NCAM1: variants seen among roughly 807,000 people sequenced by gnomAD.
NCAM1 encodes neural cell adhesion molecule 1.
A neutral mutation model predicts 109.8 loss-of-function variants in NCAM1; 14 were observed. The observed-to-expected ratio is 0.13, with a 90% CI of 0.08 to 0.20. NCAM1 has a LOEUF of 0.20. Among genes scored for constraint, NCAM1 ranks in the 10% least tolerant of loss-of-function variants. The pLI is 1.00. For synonymous variants in NCAM1, 418 were observed against 442.9 expected (o/e 0.94, Z 0.70); for missense variants, 774 against 1,109.9 (o/e 0.70, Z 4.30).
chr11:113,153,026 A>G (rs1434211902), intron 1 of NCAM1, among the ~76,000 whole-genome samples: 5 of 150,844 alleles, frequency 3.3e-5, no homozygotes, highest in African/African-American at 4.9e-5. Flanking sequence ...ATATGAGCCT[A>G]AACTGCAGCA....
chr11:113,230,338 T>C (rs1441207713), intron 9 of NCAM1, among the ~76,000 whole-genome samples: 1 of 152,178 alleles, frequency 6.6e-6, no homozygotes, highest in Non-Finnish European at 1.5e-5. Flanking sequence ...CTTGCAGAAA[T>C]GGGCAGCCAT....
At chr11:113,073,696 A>G (rs964457738) in intron 1 of NCAM1, among the ~76,000 whole-genome samples, 11 of 152,204 alleles carry the variant, frequency 7.2e-5, no homozygotes, top group African/African-American at 2.7e-4. Flanking sequence ...AACCTTTTAC[A>G]AAACCTTTAA....
chr11:113,113,715 A>G (rs1279566306), intron 1 of NCAM1, among the ~76,000 whole-genome samples: 1 of 152,134 alleles, frequency 6.6e-6, no homozygotes, highest in Admixed American at 6.5e-5. Flanking sequence ...CCAAAGCTTC[A>G]TTAGCTAAAT....
At chr11:113,214,635 G>T in intron 8 of NCAM1, 124 bp downstream of exon 8, 1 of 1,117,408 alleles carries the variant, frequency 8.9e-7, no homozygotes. Context: ...GCCACAGCCA[G>T]ATCCCGGGGC....
At chr11:113,146,408 T>C (rs1942019818) in intron 1 of NCAM1, among the ~76,000 whole-genome samples, 1 of 152,202 alleles carries the variant, frequency 6.6e-6, no homozygotes, top group African/African-American at 2.4e-5. Context: ...TTGATTATAT[T>C]CCTCATTGGA....
At chr11:113,063,528 G>A (rs782688053) in intron 1 of NCAM1, among the ~76,000 whole-genome samples, 44 of 152,156 alleles carry the variant, frequency 2.9e-4, no homozygotes, top group Non-Finnish European at 2.4e-4. Context: ...CATCTAGAGG[G>A]GTTCTGCTGA....
chr11:113,134,702 T>A (rs781873102), intron 1 of NCAM1, among the ~76,000 whole-genome samples: 4 of 152,322 alleles, frequency 2.6e-5, no homozygotes, highest in Middle Eastern at 6.8e-3. Flanking sequence ...TGGAAGCACA[T>A]GTTCCCCCTG....
At chr11:113,190,102 C>T (rs1253213814) in intron 1 of NCAM1, among the ~76,000 whole-genome samples, 2 of 152,166 alleles carry the variant, frequency 1.3e-5, no homozygotes, top group East Asian at 3.9e-4. Context: ...TCCCAACTGA[C>T]TCCACCTAAA....
intron 1 of NCAM1, among the ~76,000 whole-genome samples, chr11:112,970,002 A>C (rs1247456555): frequency 1.1e-4 from 16 of 152,160 alleles, no homozygotes; most frequent in Admixed American, 6.5e-5. Context: ...GAAAAGCTAG[A>C]ACTGACCTGG....
chr11:113,203,713 G>A (rs1318286956), intron 2 of NCAM1, among the ~76,000 whole-genome samples: 1 of 152,218 alleles, frequency 6.6e-6, no homozygotes, highest in Non-Finnish European at 1.5e-5. Flanking sequence ...AGGGAGTGAC[G>A]AAATGACAGT....
intron 8 of NCAM1, among the ~76,000 whole-genome samples, chr11:113,217,680 C>T (rs1202846633): frequency 6.6e-6 from 1 of 152,156 alleles, no homozygotes; most frequent in Non-Finnish European, 1.5e-5. Flanking sequence ...ACATGATCCC[C>T]ATTTAAGCCA....
chr11:113,038,707 G>T (rs1328518602), intron 1 of NCAM1, among the ~76,000 whole-genome samples: 1 of 152,158 alleles, frequency 6.6e-6, no homozygotes, highest in African/African-American at 2.4e-5. Context: ...AAGAACTCTA[G>T]GATTTGGGCT....
intron 1 of NCAM1, among the ~76,000 whole-genome samples, chr11:113,163,412 G>A (rs1942670218): frequency 6.6e-6 from 1 of 152,184 alleles, no homozygotes; most frequent in Non-Finnish European, 1.5e-5. Context: ...AGGGGAATAG[G>A]ATGTCACAGT....
Position 113,237,937 on chromosome 11 carries a change from GATATATATATAGATAT to G in NCAM1, c.1825+2777_1825+2792del, listed in dbSNP as rs1565521431. Among the ~76,000 whole-genome samples the G allele has an allele frequency of 2.8e-3, 406 of 143,196 alleles. 8 individuals carry two copies. Among genetic ancestry groups the G allele is most frequent in the African/African-American group, 9.7e-3 (379 of 38,962 alleles). The allele number at this position is 143,196 out of a possible 152,430, so 93.9% of individuals were successfully genotyped here. On this transcript the variant is annotated intron_variant, in intron 14 of 19. Coordinates refer to ENST00000316851, the MANE Select transcript of NCAM1 (RefSeq NM_181351.5). ...ATAGATATATAGATATAGATATATA[GATATATATATAGATAT>G]ATAGATAGATAGATAGATATAGATA...
chr11:113,070,994 T>A (rs1591300440), intron 1 of NCAM1, among the ~76,000 whole-genome samples: 1 of 152,152 alleles, frequency 6.6e-6, no homozygotes, highest in East Asian at 1.9e-4. Flanking sequence ...TGGTGAGACA[T>A]CCATAGATGG....
At chr11:113,219,326 G>C (rs139834579) in intron 8 of NCAM1, among the ~76,000 whole-genome samples, 92 of 152,306 alleles carry the variant, frequency 6.0e-4, no homozygotes, top group African/African-American at 2.2e-3. Flanking sequence ...TTAAACACTG[G>C]AAAAGATGAC....
chr11:113,105,428 A>G (rs563957520), intron 1 of NCAM1, among the ~76,000 whole-genome samples: 9 of 152,302 alleles, frequency 5.9e-5, no homozygotes, highest in African/African-American at 2.2e-4. Flanking sequence ...AAAAAATGAG[A>G]TGCTTGACAT....
chr11:113,153,189 C>G (rs1466052247), intron 1 of NCAM1, among the ~76,000 whole-genome samples: 5 of 151,976 alleles, frequency 3.3e-5, no homozygotes, highest in African/African-American at 1.2e-4. Context: ...ACTACAGGCA[C>G]CCGCCACCAC....
At position 113,204,458 on chromosome 11, in the gene NCAM1, C is replaced by A. The variant is rs1555112491; in HGVS notation, c.300C>A (p.Gly100=). Residue 100 remains glycine, a synonymous_variant, in exon 3 of 20, where the codon GGC becomes GGA. Transcript: ENST00000316851. ...DAGIYKCVVT[G]EDGSESEATV... is the part of the protein sequence containing the mutation. ...GCATTTACAAGTGTGTGGTTACAGG[C>A]GAGGATGGCAGTGAGTCAGAGGCCA... 4 of 1,613,936 alleles carry A rather than the reference C, an allele frequency of 2.5e-6. No individual in the cohort carries two copies. The highest frequency in any genetic ancestry group is 1.1e-5 in the South Asian group (1 of 91,076).
Sources: allele counts gnomAD v4.1 joint callset (sites outside exome capture counted in the v4.1 genomes callset), GRCh38; gene constraint gnomAD v4.1.1; transcripts MANE v1.5; gene names NCBI Gene and HGNC (gene_info 2026-07-23, HGNC 2026-07-21).